The following SPATA33 variants were observed in gnomAD, a reference collection of about 807,000 sequenced individuals.
SPATA33 encodes the protein spermatogenesis associated 33.
SPATA33 carries 10 observed loss-of-function variants against 8.9 expected under a neutral mutation model. The ratio of observed to expected loss-of-function variants is 1.12; its 90% confidence interval spans 0.69 to 1.90. SPATA33 has a LOEUF of 1.90. Among genes scored for constraint, SPATA33 ranks in the 40% most tolerant of loss-of-function variants. The pLI is 0.00. For synonymous variants in SPATA33, 96 were observed against 72.8 expected (o/e 1.32, Z -1.63); for missense variants, 241 against 178.3 (o/e 1.35, Z -2.00).
intron 2 of SPATA33, chr16:89,660,741 A>G (rs1208621577): frequency 3.9e-6 from 3 of 765,620 alleles, no homozygotes; most frequent in Admixed American, 8.7e-5. Context: ...GGAGCCGGCC[A>G]CAGCTGAGCA....
chr16:89,669,431 G>T lies in SPATA33; in HGVS notation c.357G>T (p.Trp119Cys). ...QQRTIREPED[W>C]GPYRRHRNPS... ...GAACCATTCGGGAGCCGGAGGACTGGGGCCCCTACCGGCGGCACAGGAACC... is the reference window on the plus strand; with the variant it reads ...GAACCATTCGGGAGCCGGAGGACTGTGGCCCCTACCGGCGGCACAGGAACC... The change falls in exon 3 of 3, where the codon TGG (tryptophan) becomes TGT (cysteine). Residue 119 changes from tryptophan (W) to cysteine (C), a missense_variant. By Grantham distance (215) the Trp-to-Cys change is radical (BLOSUM62 -2). Coordinates refer to ENST00000579310, the MANE Select transcript of SPATA33 (RefSeq NM_001271907.2). 6.2e-7 allele frequency: 1 copy of T among 1,614,010 alleles called. No homozygotes were observed. Among genetic ancestry groups the T allele is most frequent in the Non-Finnish European group, 8.5e-7 (1 of 1,180,020 alleles).
intron 2 of SPATA33, among the ~76,000 whole-genome samples, chr16:89,664,568 G>A (rs1469457991): frequency 2.0e-5 from 3 of 150,740 alleles, no homozygotes; most frequent in Non-Finnish European, 3.0e-5. Flanking sequence ...TTTAGGGCCC[G>A]ACCTGATCAG....
At chr16:89,668,480 C>G (rs2060055303) in intron 2 of SPATA33, among the ~76,000 whole-genome samples, 1 of 152,232 alleles carries the variant, frequency 6.6e-6, no homozygotes, top group African/African-American at 2.4e-5. Context: ...TAACCCTGAC[C>G]ACACATATGT....
chr16:89,658,369 C>T lies in SPATA33; in HGVS notation c.159C>T (p.Leu53=). Residue 53 remains leucine, a synonymous_variant, in exon 2 of 3, where the codon CTC becomes CTT. Transcript: ENST00000579310. ...DRESEKPVDS[L]HPGAGTAKHP... ...AGTCGGAGAAGCCTGTGGACAGCCTCCACCCGGGGGCCGGGACAGCCAAGC... is the reference window on the plus strand; with the variant it reads ...AGTCGGAGAAGCCTGTGGACAGCCTTCACCCGGGGGCCGGGACAGCCAAGC... 6.2e-7 allele frequency: 1 copy of T among 1,613,292 alleles called. No individual in the cohort carries two copies. The highest frequency in any genetic ancestry group is 8.5e-7 in the Non-Finnish European group (1 of 1,179,942).
chr16:89,660,200 C>T (rs745657748), intron 2 of SPATA33: 1 of 245,498 alleles, frequency 4.1e-6, no homozygotes, highest in Admixed American at 5.6e-5. Flanking sequence ...TACAGCCCCC[C>T]ACACGCAGGC....
At chr16:89,662,440 G>C (rs564054928) in intron 2 of SPATA33, among the ~76,000 whole-genome samples, 1 of 150,732 alleles carries the variant, frequency 6.6e-6, no homozygotes, top group Non-Finnish European at 1.5e-5. Flanking sequence ...TTTTGAAATG[G>C]AGTTTCCTTC....
At chr16:89,666,861 T>C (rs1323071628) in intron 2 of SPATA33, among the ~76,000 whole-genome samples, 2 of 152,236 alleles carry the variant, frequency 1.3e-5, no homozygotes, top group African/African-American at 2.4e-5. Flanking sequence ...TACGCCGTTA[T>C]TTCAGCATAT....
chr16:89,667,334 T>C lies in SPATA33; in HGVS notation c.212-1952T>C, dbSNP rs1311055345. Reference sequence around the variant, plus strand: ...GTATGACCTGGTTTTTCCTAGGTTATGATTGTAGAGCGAGGATTATTATAA... The same window carrying C: ...GTATGACCTGGTTTTTCCTAGGTTACGATTGTAGAGCGAGGATTATTATAA... On this transcript the variant is annotated intron_variant, in intron 2 of 2. Coordinates refer to ENST00000579310, the MANE Select transcript of SPATA33 (RefSeq NM_001271907.2). Among the ~76,000 whole-genome samples, 3 of 152,254 alleles carry C rather than the reference T, an allele frequency of 2.0e-5. No individual in the cohort carries two copies. The East Asian group carries it at 5.8e-4, about 29-fold the overall frequency.
intron 2 of SPATA33, among the ~76,000 whole-genome samples, chr16:89,662,046 C>A (rs957586213): frequency 6.6e-6 from 1 of 152,126 alleles, no homozygotes; most frequent in African/African-American, 2.4e-5. Context: ...CATCCCAGCA[C>A]TTTGGGAGGC....
chr16:89,658,689 T>G, intron 2 of SPATA33: 1 of 506,626 alleles, frequency 2.0e-6, no homozygotes, highest in South Asian at 2.3e-5. Flanking sequence ...TGTGCGTGTG[T>G]CTCACCTGAG....
Position 89,658,275 on chromosome 16 carries a change from A to G in SPATA33, c.65A>G (p.Tyr22Cys). Residue 22 changes from tyrosine to cysteine, a missense_variant, in exon 2 of 3, where the codon TAT becomes TGT. Tyr to Cys is a radical substitution (Grantham distance 194). Coordinates refer to ENST00000579310, the MANE Select transcript of SPATA33 (RefSeq NM_001271907.2). ...KGEEQKKGST[Y>C]SVPKSKEKLM... ...GAGGAGCAAAAGAAGGGATCCACCT[A>G]TTCAGTTCCAAAATCTAAGGAGAAG... 1 of 1,614,198 alleles carries G rather than the reference A, an allele frequency of 6.2e-7. No homozygotes were observed. The highest frequency in any genetic ancestry group is 2.2e-5 in the East Asian group (1 of 44,882).
rs527578457 is a variant in SPATA33, at chr16:89,665,254, C to A, written c.212-4032C>A. ...AAGCAATCTGCCTGCTTCAGCCTCC[C>A]AAGGTGCTGGGATTACAGGCGTGAG... On this transcript the variant is annotated intron_variant, in intron 2 of 2. Coordinates refer to ENST00000579310, the MANE Select transcript of SPATA33 (RefSeq NM_001271907.2). 1.1e-4 allele frequency among the ~76,000 whole-genome samples: 17 copies of A among 151,900 alleles called. No homozygotes were observed. In the South Asian group the frequency reaches 2.9e-3, roughly 26 times the overall value.
intron 2 of SPATA33, chr16:89,659,250 C>G (rs888847407): frequency 1.3e-5 from 2 of 152,324 alleles, no homozygotes; most frequent in African/African-American, 4.8e-5. Flanking sequence ...ATTGCTGTGG[C>G]CCAGTGGGAG....
chr16:89,667,788 G>A lies in SPATA33; in HGVS notation c.212-1498G>A, dbSNP rs145433462. 1.9e-3 allele frequency among the ~76,000 whole-genome samples: 282 copies of A among 152,074 alleles called. 2 individuals are homozygous for A. The highest frequency in any genetic ancestry group is 5.9e-3 in the African/African-American group (243 of 41,484). ...GGGGAGGCCAAGGCCTGAATACCCC[G>A]TCTGACTAGCCTTAGGCAGGCGACT... On this transcript the variant is annotated intron_variant, in intron 2 of 2. Coordinates refer to ENST00000579310, the MANE Select transcript of SPATA33 (RefSeq NM_001271907.2).
intron 2 of SPATA33, chr16:89,660,885 T>G: frequency 9.2e-7 from 1 of 1,083,816 alleles, no homozygotes; most frequent in Non-Finnish European, 1.1e-6. Context: ...AAGCCTTTAG[T>G]GATTCCAGGC....
intron 2 of SPATA33, among the ~76,000 whole-genome samples, chr16:89,666,638 C>A (rs532058078): frequency 6.6e-6 from 1 of 152,110 alleles, no homozygotes; most frequent in Non-Finnish European, 1.5e-5. Context: ...CAGCTGGGCC[C>A]GGGGGACCAC....
intron 2 of SPATA33, among the ~76,000 whole-genome samples, chr16:89,664,166 C>A (rs746908966): frequency 6.6e-6 from 1 of 152,138 alleles, no homozygotes; most frequent in Non-Finnish European, 1.5e-5. Flanking sequence ...AATTTGACTG[C>A]GTTAAAATGT....
rs575806704 is a variant in SPATA33, at chr16:89,664,966, C to G, written c.212-4320C>G. Among the ~76,000 whole-genome samples the G allele has an allele frequency of 1.5e-3, 235 of 152,324 alleles. 2 individuals carry two copies. Among genetic ancestry groups the G allele is most frequent in the Non-Finnish European group, 2.3e-3 (157 of 68,032 alleles). On this transcript the variant is annotated intron_variant, in intron 2 of 2. Coordinates refer to ENST00000579310, the MANE Select transcript of SPATA33 (RefSeq NM_001271907.2). ...TTTGTTGTGCAGCAATAGAAGTACA[C>G]ACAATATGTACCAAGAACCTTGAGA... is the stretch of plus-strand genomic sequence containing the variant.
In SPATA33 at chr16:89,657,957, G is replaced by A. The variant is rs1208298036; in HGVS notation, c.37+9G>A. The A allele has an allele frequency of 2.0e-6, 3 of 1,512,634 alleles. No individual in the cohort carries two copies. Among genetic ancestry groups the A allele is most frequent in the Non-Finnish European group, 2.6e-6 (3 of 1,138,072 alleles). 93.7% of individuals were successfully genotyped at this position (1,512,634 alleles called of 1,614,324 possible). Reference sequence around the variant, plus strand: ...AGAGAAACCCAGGAAAGGTAAAGGAGGCGCAGGCGCTGGGCTCCCCGCGTC... The same window carrying A: ...AGAGAAACCCAGGAAAGGTAAAGGAAGCGCAGGCGCTGGGCTCCCCGCGTC... On this transcript the variant is annotated intron_variant, in intron 1 of 2. Coordinates refer to ENST00000579310, the MANE Select transcript of SPATA33 (RefSeq NM_001271907.2).
Sources: gnomAD v4.1 joint callset for allele counts (sites outside exome capture counted in the v4.1 genomes callset) on GRCh38, gnomAD v4.1.1 for gene constraint, MANE v1.5 for transcripts, NCBI Gene and HGNC (gene_info 2026-07-23, HGNC 2026-07-21) for gene names.